The following SLC22A3 variants were observed in gnomAD, a reference collection of about 807,000 sequenced individuals.
SLC22A3 encodes solute carrier family 22 member 3.
A neutral mutation model predicts 59.1 loss-of-function variants in SLC22A3; 51 were observed. That is an observed-to-expected ratio of 0.86 (90% CI 0.69 to 1.09). The LOEUF (loss-of-function observed/expected upper bound fraction) is 1.09, where lower values mean the gene tolerates loss of function less well. Among genes scored for constraint, SLC22A3 ranks in the 50% least tolerant of loss-of-function variants. SLC22A3 has a pLI of 0.00. For synonymous variants in SLC22A3, 325 were observed against 292.0 expected (o/e 1.11, Z -1.15); for missense variants, 711 against 726.3 (o/e 0.98, Z 0.24).
At chr6:160,363,752 A>G (rs537588957) in intron 1 of SLC22A3, among the ~76,000 whole-genome samples, 5 of 152,116 alleles carry the variant, frequency 3.3e-5, no homozygotes, top group Non-Finnish European at 7.4e-5. Context: ...GGGCAGCCCC[A>G]TAAACCTTAC....
intron 5 of SLC22A3, among the ~76,000 whole-genome samples, chr6:160,435,848 C>T (rs976976933): frequency 6.6e-6 from 1 of 152,170 alleles, no homozygotes; most frequent in African/African-American, 2.4e-5. Context: ...TGTTTCAGCA[C>T]TCAGTCATTA....
chr6:160,410,454 T>C (rs1430397877), intron 4 of SLC22A3, among the ~76,000 whole-genome samples: 2 of 152,252 alleles, frequency 1.3e-5, no homozygotes, highest in African/African-American at 4.8e-5. Context: ...TTTTCATATA[T>C]GGAATCAATA....
rs754440236 is a variant in SLC22A3, at chr6:160,451,083, A to C, written c.*27A>C. On this transcript the variant is annotated 3_prime_UTR_variant, in exon 11 of 11. Transcript: ENST00000275300. ...GCCCCCGACAAAGACAGAAAGAAGG[A>C]GCTATCCAGGAGCTGATCCTCCTTG... The C allele has an allele frequency of 1.9e-6, 3 of 1,577,586 alleles. No individual in the cohort carries two copies. The highest frequency in any genetic ancestry group is 2.3e-5 in the South Asian group (2 of 85,952).
intron 1 of SLC22A3, among the ~76,000 whole-genome samples, chr6:160,393,188 G>C (rs558411335): frequency 3.3e-5 from 5 of 152,092 alleles, no homozygotes; most frequent in African/African-American, 1.2e-4. Context: ...GAACCCAGTG[G>C]AAAAATCCAG....
chr6:160,405,890 A>G (rs969280824), intron 2 of SLC22A3, among the ~76,000 whole-genome samples: 1 of 152,178 alleles, frequency 6.6e-6, no homozygotes, highest in Non-Finnish European at 1.5e-5. Flanking sequence ...GAGACAGTAA[A>G]AAAAAGGATC....
At chr6:160,443,806 T>C in intron 9 of SLC22A3, 64 bp downstream of exon 9, 2 of 846,228 alleles carry the variant, frequency 2.4e-6, no homozygotes, top group Non-Finnish European at 3.6e-6. Flanking sequence ...AAGAGACCTA[T>C]AATAATTGTT....
intron 1 of SLC22A3, among the ~76,000 whole-genome samples, chr6:160,396,067 A>G (rs980887009): frequency 6.6e-6 from 1 of 152,128 alleles, no homozygotes; most frequent in African/African-American, 2.4e-5. Flanking sequence ...CTCAACCTAC[A>G]TTCGTACTCT....
At chr6:160,426,146 A>G (rs566313010) in intron 5 of SLC22A3, 372 of 985,326 alleles carry the variant, frequency 3.8e-4, no homozygotes, top group Non-Finnish European at 4.2e-4. Flanking sequence ...ATCTAAACTG[A>G]TCTTCAAACT....
In SLC22A3 at chr6:160,383,813, TAAA is replaced by T. The variant is rs563225429; in HGVS notation, c.430-14163_430-14161del. Among the ~76,000 whole-genome samples, 250 of 152,262 alleles carry T rather than the reference TAAA, an allele frequency of 1.6e-3. 1 individual carries two copies. Among genetic ancestry groups the T allele is most frequent in the African/African-American group, 5.7e-3 (237 of 41,528 alleles). ...TAAAAAGCAAAAAAAAATATATAAATAAAAACCAATACAGTATAACAACTATTT... is the reference window on the plus strand; with the variant it reads ...TAAAAAGCAAAAAAAAATATATAAATAACCAATACAGTATAACAACTATTT... On this transcript the variant is annotated intron_variant, in intron 1 of 10. Transcript: ENST00000275300.
At chr6:160,380,551 T>A (rs1422795708) in intron 1 of SLC22A3, among the ~76,000 whole-genome samples, 1 of 152,114 alleles carries the variant, frequency 6.6e-6, no homozygotes, top group African/African-American at 2.4e-5. Context: ...ATAAAACATA[T>A]ACATAGGCAT....
chr6:160,443,637 G>A lies in SLC22A3; in HGVS notation c.1405G>A (p.Gly469Arg), dbSNP rs370257112. Residue 469 changes from glycine to arginine, a missense_variant, in exon 9 of 11, where the codon GGA (glycine) becomes AGA (arginine). Coordinates refer to ENST00000275300, the MANE Select transcript of SLC22A3 (RefSeq NM_021977.4). ...TTACTTTTCATTCAACAGAAATTTC[G>A]GAGTTTCGCTCTGTTCAGGTCTGTG... ...ELYPTTLRNF[G>R]VSLCSGLCDF... 18 of 1,611,622 alleles carry A rather than the reference G, an allele frequency of 1.1e-5. 1 individual carries two copies. Among genetic ancestry groups the A allele is most frequent in the Middle Eastern group, 3.3e-4 (2 of 6,080 alleles).
intron 5 of SLC22A3, among the ~76,000 whole-genome samples, chr6:160,427,023 G>A (rs1023870553): frequency 2.0e-5 from 3 of 152,084 alleles, no homozygotes; most frequent in African/African-American, 7.2e-5. Context: ...GAGATTCTTT[G>A]TACCTTCACT....
At chr6:160,392,193 C>T (rs576593402) in intron 1 of SLC22A3, among the ~76,000 whole-genome samples, 11 of 152,226 alleles carry the variant, frequency 7.2e-5, no homozygotes, top group Non-Finnish European at 1.6e-4. Flanking sequence ...ATGTGCCAGG[C>T]AGAACCTTGT....
At chr6:160,432,513 C>T (rs964981403) in intron 5 of SLC22A3, among the ~76,000 whole-genome samples, 1 of 151,320 alleles carries the variant, frequency 6.6e-6, no homozygotes, top group Non-Finnish European at 1.5e-5. Flanking sequence ...ACTGCAACTC[C>T]GCCTCCCAGG....
chr6:160,383,430 T>TG (rs1785870133), intron 1 of SLC22A3, among the ~76,000 whole-genome samples: 2 of 152,154 alleles, frequency 1.3e-5, no homozygotes, highest in Non-Finnish European at 2.9e-5. Flanking sequence ...CATCTGACCC[T>TG]GGGGGGCCCT....
At chr6:160,447,481 A>C (rs1219419992) in intron 9 of SLC22A3, among the ~76,000 whole-genome samples, 2 of 152,186 alleles carry the variant, frequency 1.3e-5, no homozygotes, top group African/African-American at 4.8e-5. Context: ...GAGATGTGTG[A>C]GTGAACACAT....
At chr6:160,436,286 C>T (rs1435081147) in intron 5 of SLC22A3, among the ~76,000 whole-genome samples, 1 of 152,114 alleles carries the variant, frequency 6.6e-6, no homozygotes, top group African/African-American at 2.4e-5. Flanking sequence ...TCTTGGATGG[C>T]CAGCTAGAGA....
chr6:160,450,715 A>G (rs1788922169), intron 10 of SLC22A3, among the ~76,000 whole-genome samples: 1 of 152,188 alleles, frequency 6.6e-6, no homozygotes, highest in African/African-American at 2.4e-5. Context: ...AATTTGGGGA[A>G]CTGATAAATG....
chr6:160,382,069 T>G (rs1204586687), intron 1 of SLC22A3, among the ~76,000 whole-genome samples: 1 of 152,244 alleles, frequency 6.6e-6, no homozygotes, highest in Non-Finnish European at 1.5e-5. Flanking sequence ...AGGTATTGTA[T>G]TATATTACAA....
Sources: gnomAD v4.1 joint callset for allele counts (sites outside exome capture counted in the v4.1 genomes callset) on GRCh38, gnomAD v4.1.1 for gene constraint, MANE v1.5 for transcripts, NCBI Gene and HGNC (gene_info 2026-07-23, HGNC 2026-07-21) for gene names.